PPM1B: variants seen among roughly 807,000 people sequenced by gnomAD.
PPM1B encodes the protein protein phosphatase, Mg2+/Mn2+ dependent 1B.
PPM1B carries 22 observed loss-of-function variants against 43.0 expected under a neutral mutation model. The ratio of observed to expected loss-of-function variants is 0.51; its 90% CI spans 0.37 to 0.73. The LOEUF is 0.73. PPM1B is among the 30% of genes least tolerant of loss of function. PPM1B has a pLI of 0.00. For synonymous variants in PPM1B, 217 were observed against 197.9 expected, an observed-to-expected ratio of 1.10 and a Z score of -0.81; for missense variants, 632 against 584.2, an observed-to-expected ratio of 1.08 and a Z score of -0.84.
chr2:44,230,636 A>T lies in PPM1B; in HGVS notation c.1358A>T (p.His453Leu). The part of the protein sequence containing the change: ...AGNPVTMQES[H>L]TESESGLAEL... Reference sequence around the variant, plus strand: ...AACCCAGTGACAATGCAGGAAAGCCATACTGAATCAGAAAGTGGTCTTGCT... The same window carrying T: ...AACCCAGTGACAATGCAGGAAAGCCTTACTGAATCAGAAAGTGGTCTTGCT... Residue 453 changes from histidine (H) to leucine (L), a missense_variant, in exon 6 of 6, where the codon CAT (histidine) becomes CTT (leucine). By Grantham distance (99) the His-to-Leu change is moderately conservative. This residue lies in a region of PPM1B where 392 missense variants were observed against 302.7 expected (regional missense o/e 1.29). Coordinates refer to ENST00000282412, the MANE Select transcript of PPM1B (RefSeq NM_002706.6). The T allele has an allele frequency of 6.2e-7, 1 of 1,614,228 alleles. No individual in the cohort carries two copies. Among genetic ancestry groups the T allele is most frequent in the Non-Finnish European group, 8.5e-7 (1 of 1,180,020 alleles).
chr2:44,241,857 C>CTTTTTT (rs397984437), intron 5 of PPM1B, among the ~76,000 whole-genome samples: 60,155 of 87,932 alleles, frequency 0.68, 24,863 homozygotes, highest in East Asian at 0.77. Flanking sequence ...AGAAAATAAT[C>CTTTTTT]TTTTTTTTTT....
intron 5 of PPM1B, among the ~76,000 whole-genome samples, chr2:44,225,832 T>C (rs371949427): frequency 9.8e-4 from 149 of 151,762 alleles, no homozygotes; most frequent in South Asian, 5.6e-3. Context: ...AATTTTTCTA[T>C]TTTTAGTTGA....
chr2:44,193,977 G>A (rs1401062201), intron 1 of PPM1B, among the ~76,000 whole-genome samples: 1 of 152,148 alleles, frequency 6.6e-6, no homozygotes, highest in African/African-American at 2.4e-5. Context: ...AACTCCCAAA[G>A]CCCTGGGGTT....
chr2:44,214,845 C>T (rs1669649877), intron 3 of PPM1B, among the ~76,000 whole-genome samples: 1 of 152,118 alleles, frequency 6.6e-6, no homozygotes, highest in Non-Finnish European at 1.5e-5. Context: ...TTGGTCCAAG[C>T]AAAGAGTTTT....
chr2:44,243,526 A>G (rs965600853), intron 5 of PPM1B, among the ~76,000 whole-genome samples: 4 of 152,196 alleles, frequency 2.6e-5, no homozygotes, highest in African/African-American at 9.7e-5. Context: ...GTACTTTAAT[A>G]CAACTGGAAC....
chr2:44,195,208 T>TC (rs1668604535), intron 1 of PPM1B, among the ~76,000 whole-genome samples: 1 of 150,330 alleles, frequency 6.7e-6, no homozygotes, highest in Non-Finnish European at 1.5e-5. Flanking sequence ...TTTCTTTCTT[T>TC]TTTTTTTTTT....
chr2:44,201,493 A>C lies in PPM1B; in HGVS notation c.294A>C (p.Ser98=). ...AATCAGGATCTGCTCTTGAGCTTTC[A>C]GTGGAAAATGTTAAGAATGGTATCA... is the stretch of plus-strand genomic sequence containing the variant. ...AGKSGSALEL[S]VENVKNGIRT... is the part of the protein sequence containing the mutation. Residue 98 remains serine (S), a synonymous_variant, in exon 2 of 6, where the codon TCA becomes TCC. Transcript: ENST00000282412. This position sits in a 1 kb window ranked among gnomAD's most constrained non-coding sequence, Gnocchi z 5.4. 6.2e-7 allele frequency: 1 copy of C among 1,614,212 alleles called. No homozygotes were observed. Among genetic ancestry groups the C allele is most frequent in the South Asian group, 1.1e-5 (1 of 91,084 alleles).
At chr2:44,173,322 A>G (rs950541160) in intron 1 of PPM1B, among the ~76,000 whole-genome samples, 2 of 152,254 alleles carry the variant, frequency 1.3e-5, no homozygotes, top group Admixed American at 6.5e-5. Context: ...AGATTTTGAG[A>G]TTTAGTTTTT....
chr2:44,235,627 C>G (rs1341899006), downstream of PPM1B, among the ~76,000 whole-genome samples: 3 of 126,856 alleles, frequency 2.4e-5, no homozygotes, highest in African/African-American at 9.3e-5. Flanking sequence ...AAAAAAAAGA[C>G]TGCTTAGCTG....
downstream of PPM1B, among the ~76,000 whole-genome samples, chr2:44,244,659 C>T (rs547492840): frequency 1.3e-5 from 2 of 151,996 alleles, no homozygotes; most frequent in Middle Eastern, 3.4e-3. Context: ...TTTATCATTC[C>T]CAGATCTCTT....
intron 1 of PPM1B, among the ~76,000 whole-genome samples, chr2:44,181,056 T>C (rs1667850442): frequency 6.6e-6 from 1 of 152,102 alleles, no homozygotes; most frequent in African/African-American, 2.4e-5. Flanking sequence ...GCAGTCGTCC[T>C]ACCCCAGCCT....
chr2:44,206,444 A>G (rs1669191854), intron 2 of PPM1B, among the ~76,000 whole-genome samples: 1 of 152,236 alleles, frequency 6.6e-6, no homozygotes. Context: ...ACATCACTGA[A>G]ATCACACATG....
chr2:44,237,500 C>T (rs1308530548), downstream of PPM1B, among the ~76,000 whole-genome samples: 1 of 152,144 alleles, frequency 6.6e-6, no homozygotes, highest in African/African-American at 2.4e-5. Context: ...CAGATATGCT[C>T]TTCTAATTCA....
At chr2:44,208,045 C>T (rs963293085) in intron 2 of PPM1B, among the ~76,000 whole-genome samples, 1 of 151,762 alleles carries the variant, frequency 6.6e-6, no homozygotes, top group African/African-American at 2.4e-5. Flanking sequence ...CGCGCCACCA[C>T]GCCTGGATAA....
chr2:44,218,740 T>C, intron 5 of PPM1B: 1 of 498,652 alleles, frequency 2.0e-6, no homozygotes, highest in Non-Finnish European at 3.6e-6. Flanking sequence ...GTAGATAGTT[T>C]TGTTGTCACT....
chr2:44,227,268 C>T (rs1300551171), intron 5 of PPM1B, among the ~76,000 whole-genome samples: 1 of 152,070 alleles, frequency 6.6e-6, no homozygotes, highest in Non-Finnish European at 1.5e-5. Context: ...AGCCACCAGC[C>T]CTGGATGAGA....
chr2:44,201,862 T>A lies in PPM1B; in HGVS notation c.663T>A (p.Ser221=), dbSNP rs1348377325. 6.2e-7 allele frequency: 1 copy of A among 1,614,078 alleles called. No homozygotes were observed. Among genetic ancestry groups the A allele is most frequent in the Non-Finnish European group, 8.5e-7 (1 of 1,180,036 alleles). The change falls in exon 2 of 6, where the codon TCT becomes TCA. Residue 221 remains serine, a synonymous_variant. Coordinates refer to ENST00000282412, the MANE Select transcript of PPM1B (RefSeq NM_002706.6). This position sits in a 1 kb window ranked among gnomAD's most constrained non-coding sequence, Gnocchi z 5.4. ...DGKGPTEQLV[S]PEPEVYEILR... is the part of the protein sequence containing the mutation. ...AGGGCCCAACAGAACAACTTGTTTC[T>A]CCAGAGCCTGAGGTTTATGAAATTT...
downstream of PPM1B, chr2:44,232,319 G>A (rs1670491517): frequency 6.2e-7 from 1 of 1,606,016 alleles, no homozygotes. Flanking sequence ...CCTGTAGGGT[G>A]CTGGAGATCT....
At chr2:44,214,721 G>C (rs1669642027) in intron 3 of PPM1B, among the ~76,000 whole-genome samples, 1 of 152,034 alleles carries the variant, frequency 6.6e-6, no homozygotes, top group Non-Finnish European at 1.5e-5. Context: ...AAGTGTGTGG[G>C]GGTTTTCAGT....
Sources: gnomAD v4.1 joint callset for allele counts (sites outside exome capture counted in the v4.1 genomes callset) on GRCh38, gnomAD v4.1.1 for gene constraint, gnomAD v4.1.1 regional missense constraint, Gnocchi (gnomAD v3.1) non-coding constraint, MANE v1.5 for transcripts, NCBI Gene and HGNC (gene_info 2026-07-23, HGNC 2026-07-21) for gene names.